TMEM260: variants seen among roughly 807,000 people sequenced by gnomAD.
The protein encoded by TMEM260 is transmembrane protein 260.
In TMEM260, 82 loss-of-function variants were observed where a neutral mutation model predicts 88.9. The ratio of observed to expected loss-of-function variants is 0.92; its 90% confidence interval spans 0.77 to 1.11. The LOEUF (loss-of-function observed/expected upper bound fraction) is 1.11. Ranked by LOEUF, TMEM260 falls within the 50% of genes least tolerant of loss-of-function variation. The probability of loss-of-function intolerance (pLI) is 0.00; values close to 1 mark genes in which losing one functional copy is unlikely to be tolerated. For synonymous variants in TMEM260, 314 were observed against 309.3 expected (o/e 1.02, Z -0.16); for missense variants, 902 against 853.4 (o/e 1.06, Z -0.71).
At chr14:56,595,812 A>T (rs1886171470) in intron 3 of TMEM260, among the ~76,000 whole-genome samples, 1 of 152,154 alleles carries the variant, frequency 6.6e-6, no homozygotes, top group South Asian at 2.1e-4. Flanking sequence ...TCTTTGAAAT[A>T]TTTATTTTAT....
At chr14:56,645,582 A>C (rs935726970) in intron 15 of TMEM260, among the ~76,000 whole-genome samples, 3 of 152,174 alleles carry the variant, frequency 2.0e-5, no homozygotes, top group African/African-American at 7.2e-5. Context: ...AACATGGCAC[A>C]TGTATACATA....
At chr14:56,618,455 G>T in intron 9 of TMEM260, 139 bp from the exon 10 acceptor site, 1 of 753,544 alleles carries the variant, frequency 1.3e-6, no homozygotes, top group East Asian at 2.6e-5. Context: ...GCTTGGATTG[G>T]GGAAATCAGT....
chr14:56,655,581 C>G (rs948370306), downstream of TMEM260, among the ~76,000 whole-genome samples: 11 of 152,116 alleles, frequency 7.2e-5, no homozygotes, highest in African/African-American at 2.4e-4. Flanking sequence ...TTCTCTTTCA[C>G]TTGTCCCTTG....
At chr14:56,618,531 G>A in intron 9 of TMEM260, 63 bp from the exon 10 acceptor site, 1 of 1,475,874 alleles carries the variant, frequency 6.8e-7, no homozygotes, top group South Asian at 1.2e-5. Flanking sequence ...AAAAATATAT[G>A]AGGAGCTGAT....
At chr14:56,623,504 T>C (rs1888057842) in intron 11 of TMEM260, among the ~76,000 whole-genome samples, 1 of 152,156 alleles carries the variant, frequency 6.6e-6, no homozygotes, top group South Asian at 2.1e-4. Context: ...CCTAAACTGC[T>C]TATTAGCAAA....
At chr14:56,580,969 A>G (rs1036764496) in intron 1 of TMEM260, among the ~76,000 whole-genome samples, 1 of 152,196 alleles carries the variant, frequency 6.6e-6, no homozygotes, top group Non-Finnish European at 1.5e-5. Context: ...TTTGTAAATC[A>G]GGAGTCTGGG....
chr14:56,627,264 C>T (rs1416204431), intron 12 of TMEM260, among the ~76,000 whole-genome samples: 1 of 151,944 alleles, frequency 6.6e-6, no homozygotes, highest in African/African-American at 2.4e-5. Flanking sequence ...GTGCTTGTTA[C>T]AGAATGAGAA....
intron 15 of TMEM260, among the ~76,000 whole-genome samples, chr14:56,641,099 C>G (rs1172622366): frequency 6.8e-6 from 1 of 146,844 alleles, no homozygotes. Flanking sequence ...CTGCAGGATA[C>G]TATCTAGGAG....
chr14:56,639,247 A>G (rs1889374365), intron 15 of TMEM260, among the ~76,000 whole-genome samples: 2 of 138,794 alleles, frequency 1.4e-5, no homozygotes, highest in Non-Finnish European at 3.0e-5. Context: ...GGGTAACTAC[A>G]GCCAACCAGG....
intron 15 of TMEM260, among the ~76,000 whole-genome samples, chr14:56,640,307 G>T (rs904460728): frequency 6.6e-6 from 1 of 151,578 alleles, no homozygotes; most frequent in South Asian, 2.1e-4. Context: ...ACTTCCAGAG[G>T]GACAATCAGG....
the TMEM260 span, among the ~76,000 whole-genome samples, chr14:56,655,982 C>T: frequency 1.3e-5 from 2 of 152,042 alleles, no homozygotes; most frequent in East Asian, 3.9e-4. Context: ...TTCATTTTGC[C>T]CCTAAAAGAG....
rs940948391 is a variant in TMEM260, at chr14:56,647,396, T to C, written c.2023T>C (p.Ser675Pro). The part of the protein sequence containing the change: ...SETIRHFRLY[S>P]QKAPNDPQQA... ...AACCATCAGACATTTCCGTCTGTAC[T>C]CTCAGAAAGCACCGAATGACCCACA... Residue 675 changes from serine (S) to proline (P), a missense_variant, in exon 16 of 16, where the codon TCT (serine) becomes CCT (proline). Physicochemically the swap from Ser to Pro is moderately conservative, Grantham distance 74 (BLOSUM62 -1). Transcript: ENST00000261556. The C allele has an allele frequency of 6.2e-7, 1 of 1,614,040 alleles. No individual in the cohort carries two copies.
At chr14:56,605,960 A>C (rs1216155171) in intron 5 of TMEM260, among the ~76,000 whole-genome samples, 1 of 152,200 alleles carries the variant, frequency 6.6e-6, no homozygotes, top group African/African-American at 2.4e-5. Context: ...AACAATATCA[A>C]ATTTTCTTAA....
chr14:56,658,408 C>T, the TMEM260 span, among the ~76,000 whole-genome samples: 2 of 152,002 alleles, frequency 1.3e-5, no homozygotes, highest in Middle Eastern at 3.4e-3. Flanking sequence ...CCACCATGCC[C>T]GGCTAATTTT....
At chr14:56,586,014 C>T (rs1885478510) in intron 3 of TMEM260, 102 bp downstream of exon 3, 12 of 1,185,140 alleles carry the variant, frequency 1.0e-5, no homozygotes, top group South Asian at 4.5e-5. Context: ...TGCTTGGTTT[C>T]CCTAACACAT....
intron 11 of TMEM260, among the ~76,000 whole-genome samples, chr14:56,623,087 CTAA>C (rs1888033091): frequency 6.6e-6 from 1 of 152,142 alleles, no homozygotes; most frequent in Non-Finnish European, 1.5e-5. Flanking sequence ...TGACATGGGG[CTAA>C]TGATTTTTCC....
chr14:56,636,388 A>AATAATACAAT, intron 14 of TMEM260, 120 bp from the exon 15 acceptor site: 1 of 750,970 alleles, frequency 1.3e-6, no homozygotes, highest in East Asian at 2.6e-5. Flanking sequence ...GAGAATTGAA[A>AATAATACAAT]ATAATACAAT....
chr14:56,641,158 C>A (rs1277896142), intron 15 of TMEM260, among the ~76,000 whole-genome samples: 1 of 151,012 alleles, frequency 6.6e-6, no homozygotes, highest in Non-Finnish European at 1.5e-5. Flanking sequence ...TCAGGAAATA[C>A]AGAGAACACC....
the TMEM260 span, among the ~76,000 whole-genome samples, chr14:56,661,454 C>A: frequency 6.9e-6 from 1 of 145,150 alleles, no homozygotes; most frequent in African/African-American, 2.5e-5. Context: ...GTTACCCAAT[C>A]TTAAAATGGA....
Sources: gnomAD v4.1 joint callset for allele counts (sites outside exome capture counted in the v4.1 genomes callset) on GRCh38, gnomAD v4.1.1 for gene constraint, MANE v1.5 for transcripts, NCBI Gene and HGNC (gene_info 2026-07-23, HGNC 2026-07-21) for gene names.